TRRAP: variants seen among roughly 807,000 people sequenced by gnomAD.
TRRAP encodes the protein transformation/transcription domain-associated protein.
Under a neutral mutation model 438.8 loss-of-function variants are expected in TRRAP, and 41 were observed. The ratio of observed to expected loss-of-function variants is 0.09; its 90% CI spans 0.07 to 0.12. The LOEUF (loss-of-function observed/expected upper bound fraction) is 0.12. Among genes scored for constraint, TRRAP ranks in the 10% least tolerant of loss-of-function variants. The pLI, the probability that TRRAP is intolerant of heterozygous loss-of-function variation, is 1.00. For synonymous variants in TRRAP, 1,994 were observed against 1,962.9 expected (o/e 1.02, Z -0.42); for missense variants, 3,122 against 5,055.1 (o/e 0.62, Z 11.60).
chr7:98,982,919 G>A (rs1182078351), intron 59 of TRRAP, among the ~76,000 whole-genome samples: 2 of 152,122 alleles, frequency 1.3e-5, no homozygotes, highest in Admixed American at 6.5e-5. Flanking sequence ...ACAAAGAGCC[G>A]GGCAGGGAGG....
Position 98,994,646 on chromosome 7 carries a change from T to C in TRRAP, c.10107T>C (p.Ser3369=), listed in dbSNP as rs200998107. ...GTTACTCCGTGGCGTTTGAGAAAAG[T>C]GGAGCGGTGTCCGATGCTAAAATCA... ...AKCYSVAFEK[S]GAVSDAKITP... The change falls in exon 67 of 73, where the codon AGT becomes AGC. Residue 3369 remains serine (S), a synonymous_variant. Coordinates refer to ENST00000456197, the MANE Select transcript of TRRAP (RefSeq NM_001375524.1). This position sits in a 1 kb window ranked among gnomAD's most constrained non-coding sequence, Gnocchi z 4.8. The C allele has an allele frequency of 1.1e-4, 180 of 1,614,210 alleles. 2 individuals carry two copies. In the East Asian group the frequency reaches 3.8e-3, roughly 34 times the overall value.
chr7:98,979,004 G>A, intron 58 of TRRAP, 100 bp downstream of exon 58: 1 of 1,483,722 alleles, frequency 6.7e-7, no homozygotes, highest in Non-Finnish European at 9.1e-7. Flanking sequence ...CATTTTGGCA[G>A]TGGAAAGACA....
intron 13 of TRRAP, among the ~76,000 whole-genome samples, chr7:98,907,741 G>T (rs1171875347): frequency 6.6e-6 from 1 of 152,080 alleles, no homozygotes; most frequent in Non-Finnish European, 1.5e-5. Flanking sequence ...AGCCACACTG[G>T]CCCCTGCAGC....
intron 61 of TRRAP, among the ~76,000 whole-genome samples, 192 bp downstream of exon 61, chr7:98,984,550 C>G (rs942169974): frequency 6.6e-6 from 1 of 152,152 alleles, no homozygotes; most frequent in Non-Finnish European, 1.5e-5. Context: ...CTGTGAATTA[C>G]AGTCTCTTGT....
chr7:98,961,552 TC>T, intron 46 of TRRAP, 78 bp downstream of exon 46: 1 of 1,527,112 alleles, frequency 6.5e-7, no homozygotes. Flanking sequence ...GCGCTTGTCC[TC>T]CAGTTATTGT....
At chr7:98,978,413 T>A (rs1584386064) in intron 57 of TRRAP, 90 bp downstream of exon 57, 1 of 1,199,620 alleles carries the variant, frequency 8.3e-7, no homozygotes. Flanking sequence ...GAGCGTTTTT[T>A]AAAGAAAGCT....
At chr7:98,943,136 C>A in intron 31 of TRRAP, 119 bp downstream of exon 31, 1 of 990,096 alleles carries the variant, frequency 1.0e-6, no homozygotes, top group Admixed American at 2.4e-5. Context: ...TGATTGTAGT[C>A]CTTGTAAATT....
intron 70 of TRRAP, among the ~76,000 whole-genome samples, chr7:99,010,772 C>G (rs1373476181): frequency 6.6e-6 from 1 of 152,160 alleles, no homozygotes; most frequent in African/African-American, 2.4e-5. Context: ...AGATATTTAC[C>G]TGCATTCTTG....
At chr7:98,914,425 T>C (rs1554409273) in intron 18 of TRRAP, among the ~76,000 whole-genome samples, 2 of 152,088 alleles carry the variant, frequency 1.3e-5, no homozygotes, top group Admixed American at 6.6e-5. Context: ...TTTAAAGATA[T>C]AAAATAATTA....
intron 33 of TRRAP, among the ~76,000 whole-genome samples, chr7:98,946,972 C>T (rs1375407166): frequency 1.3e-5 from 2 of 152,244 alleles, no homozygotes; most frequent in African/African-American, 4.8e-5. Flanking sequence ...GCCTTGAGCC[C>T]ATTTTCCTCA....
rs773569456 is a variant in TRRAP at position 99,011,902 on chromosome 7, G to A, written c.11338-169G>A. Among the ~76,000 whole-genome samples the A allele has an allele frequency of 1.4e-4, 22 of 152,194 alleles. No homozygotes were observed. Among genetic ancestry groups the A allele is most frequent in the Non-Finnish European group, 2.2e-4 (15 of 68,030 alleles). Reference sequence around the variant, plus strand: ...TGGAGGAAGGGGTTTGTCCCCCAGCGGCTTCCCCAGCCCGTCCTGAGGGCA... The same window carrying A: ...TGGAGGAAGGGGTTTGTCCCCCAGCAGCTTCCCCAGCCCGTCCTGAGGGCA... On this transcript the variant is annotated intron_variant, in intron 72 of 72. Transcript: ENST00000456197. The surrounding 1 kb of genome is among the most constrained non-coding windows in gnomAD (Gnocchi z 7.1).
At chr7:98,973,756 C>T (rs1562966875) in intron 53 of TRRAP, among the ~76,000 whole-genome samples, 1 of 152,174 alleles carries the variant, frequency 6.6e-6, no homozygotes, top group Non-Finnish European at 1.5e-5. Context: ...TTCCCAGATG[C>T]GTGTCACAGA....
intron 1 of TRRAP, among the ~76,000 whole-genome samples, chr7:98,879,961 G>A (rs933078904): frequency 2.0e-5 from 3 of 152,150 alleles, no homozygotes; most frequent in Non-Finnish European, 4.4e-5. Flanking sequence ...AAGGAGGAGG[G>A]GTGAAAGCAA....
chr7:99,005,478 T>A lies in TRRAP; in HGVS notation c.10753+130T>A. 1.2e-6 allele frequency: 1 copy of A among 857,916 alleles called. No individual in the cohort carries two copies. Among genetic ancestry groups the A allele is most frequent in the Non-Finnish European group, 1.9e-6 (1 of 540,110 alleles). 53.1% of individuals were successfully genotyped at this position (857,916 alleles called of 1,614,324 possible). ...GGTCCAGCTGCGTCAGCAGAGAATG[T>A]TGTAGTCTGTGCTGACCAGGGAAGG... On this transcript the variant is annotated intron_variant, in intron 69 of 72. Transcript: ENST00000456197. The surrounding 1 kb of genome is among the most constrained non-coding windows in gnomAD (Gnocchi z 5.1).
chr7:99,003,428 G>A (rs925753183), intron 67 of TRRAP, among the ~76,000 whole-genome samples: 1 of 152,122 alleles, frequency 6.6e-6, no homozygotes, highest in African/African-American at 2.4e-5. Context: ...GCTTTGACAC[G>A]AGACCTAGGG....
intron 17 of TRRAP, 53 bp from the exon 18 acceptor site, chr7:98,911,969 A>G: frequency 6.5e-7 from 1 of 1,531,594 alleles, no homozygotes; most frequent in Non-Finnish European, 8.9e-7. Flanking sequence ...CTTTGTCTTA[A>G]AACTGCTTTG....
intron 25 of TRRAP, 52 bp from the exon 26 acceptor site, chr7:98,931,353 T>A: frequency 6.3e-7 from 1 of 1,591,470 alleles, no homozygotes; most frequent in Non-Finnish European, 8.5e-7. Context: ...AGACGGCAGT[T>A]GCAGTGGGTG....
At chr7:98,879,495 G>C (rs1795322203) in intron 1 of TRRAP, among the ~76,000 whole-genome samples, 1 of 151,846 alleles carries the variant, frequency 6.6e-6, no homozygotes, top group Non-Finnish European at 1.5e-5. Flanking sequence ...CCGTAACCCC[G>C]AGTCTTGGGT....
chr7:98,925,780 A>G (rs1242871143), intron 22 of TRRAP, among the ~76,000 whole-genome samples: 1 of 152,248 alleles, frequency 6.6e-6, no homozygotes, highest in East Asian at 1.9e-4. Flanking sequence ...TTTTTCCTAT[A>G]TATTTTCACA....
Sources: gnomAD v4.1 joint callset for allele counts (sites outside exome capture counted in the v4.1 genomes callset) on GRCh38, gnomAD v4.1.1 for gene constraint, Gnocchi (gnomAD v3.1) non-coding constraint, MANE v1.5 for transcripts, NCBI Gene and HGNC (gene_info 2026-07-23, HGNC 2026-07-21) for gene names.